HIP1R: variants seen among roughly 807,000 people sequenced by gnomAD.
HIP1R encodes huntingtin-interacting protein 1-related protein.
In HIP1R, 135 loss-of-function variants were observed where a neutral mutation model predicts 144.2. That is an observed-to-expected ratio of 0.94 (90% confidence interval 0.81 to 1.08). The LOEUF is 1.08. Ranked by LOEUF, HIP1R falls within the 50% of genes least tolerant of loss-of-function variation. The pLI is 0.00. For missense variants in HIP1R, 1,462 were observed against 1,432.8 expected (o/e 1.02, Z -0.33); for synonymous variants, 698 against 612.8 (o/e 1.14, Z -2.05).
In HIP1R at chr12:122,861,208, T is replaced by C; in HGVS notation, c.2952+16T>C. On this transcript the variant is annotated intron_variant, in intron 30 of 31. Transcript: ENST00000253083. ...GGAGACCCAGGTAGGCGCCCATGGC[T>C]GCCCCGTGACCTCTGAGCTCATCCC... 6.6e-7 allele frequency: 1 copy of C among 1,507,214 alleles called. No individual in the cohort carries two copies. Among genetic ancestry groups the C allele is most frequent in the South Asian group, 1.1e-5 (1 of 88,360 alleles). The allele number at this position is 1,507,214 out of a possible 1,614,324, so 93.4% of individuals were successfully genotyped here.
chr12:122,859,883 C>G, intron 24 of HIP1R, 53 bp downstream of exon 24: 1 of 1,563,774 alleles, frequency 6.4e-7, no homozygotes, highest in Non-Finnish European at 8.8e-7. Context: ...TCCCCGTGGC[C>G]CCTAAGGTTC....
Position 122,859,178 on chromosome 12 carries a change from G to C in HIP1R, c.2276G>C (p.Gly759Ala). The C allele has an allele frequency of 1.3e-6, 2 of 1,572,768 alleles. No homozygotes were observed. The highest frequency in any genetic ancestry group is 1.7e-6 in the Non-Finnish European group (2 of 1,159,938). ...AGCCTGGTGCGGACACCCCTGCAGGGCATCCTTCAGCTGGGCCAGGTGAGG... is the reference window on the plus strand; with the variant it reads ...AGCCTGGTGCGGACACCCCTGCAGGCCATCCTTCAGCTGGGCCAGGTGAGG... ...QASLVRTPLQ[G>A]ILQLGQELKP... Residue 759 changes from glycine to alanine, a missense_variant, in exon 22 of 32, where the codon GGC becomes GCC. Around this residue, in one of 2 missense-constraint regions of HIP1R, gnomAD observed 1,112 missense variants for 1,011.7 expected, o/e 1.10. Coordinates refer to ENST00000253083, the MANE Select transcript of HIP1R (RefSeq NM_003959.3).
At position 122,861,514 on chromosome 12, in the gene HIP1R, G is replaced by A. The variant is rs778770073; in HGVS notation, c.3159G>A (p.Gln1053=). ...GCGTGGCCCCCAGACAGGACCACCAGGTGCCGTCTGCACTGGGATGGGGGA... is the reference window on the plus strand; with the variant it reads ...GCGTGGCCCCCAGACAGGACCACCAAGTGCCGTCTGCACTGGGATGGGGGA... ...KPSVAPRQDH[Q]LDKKDGIYPA... is the part of the protein sequence containing the mutation. Residue 1053 remains glutamine, a splice_region_variant and synonymous_variant, in exon 31 of 32, where the codon CAG becomes CAA. Coordinates refer to ENST00000253083, the MANE Select transcript of HIP1R (RefSeq NM_003959.3). The A allele has an allele frequency of 1.6e-5, 26 of 1,609,682 alleles. No individual in the cohort carries two copies. The highest frequency in any genetic ancestry group is 2.2e-5 in the Non-Finnish European group (26 of 1,178,252).
At chr12:122,845,966 C>T (rs993460138) in intron 1 of HIP1R, among the ~76,000 whole-genome samples, 7 of 152,244 alleles carry the variant, frequency 4.6e-5, no homozygotes, top group Non-Finnish European at 8.8e-5. Flanking sequence ...TCCTCAGTGT[C>T]AGGAGAAACC....
intron 20 of HIP1R, 82 bp downstream of exon 20, chr12:122,858,517 T>C: frequency 8.5e-7 from 1 of 1,175,178 alleles, no homozygotes; most frequent in Non-Finnish European, 1.2e-6. Context: ...TTTTGGGAGG[T>C]TTACAGACAG....
chr12:122,853,903 CAT>C, intron 7 of HIP1R, 138 bp from the exon 8 acceptor site: 2 of 991,618 alleles, frequency 2.0e-6, no homozygotes, highest in South Asian at 1.7e-5. Context: ...GCCACCAGCA[CAT>C]GAGGCTCCCG....
Position 122,855,299 on chromosome 12 carries a change from C to T in HIP1R, c.887C>T (p.Ala296Val), listed in dbSNP as rs774437296. 1.5e-5 allele frequency: 24 copies of T among 1,612,736 alleles called. No individual in the cohort carries two copies. Among genetic ancestry groups the T allele is most frequent in the Non-Finnish European group, 2.0e-5 (24 of 1,179,890 alleles). ...PPNFLRASAL[A>V]EHIKPVVVIP... ...AACTTCCTGCGGGCCTCAGCCCTGGCTGAGCACATCAAGCCGGTGGTGGTG... is the reference window on the plus strand; with the variant it reads ...AACTTCCTGCGGGCCTCAGCCCTGGTTGAGCACATCAAGCCGGTGGTGGTG... The change falls in exon 11 of 32, where the codon GCT (alanine) becomes GTT (valine). Residue 296 changes from alanine (A) to valine (V), a missense_variant. Transcript: ENST00000253083.
At chr12:122,860,654 G>T in intron 27 of HIP1R, 25 bp from the exon 28 acceptor site, 1 of 1,596,718 alleles carries the variant, frequency 6.3e-7, no homozygotes, top group East Asian at 2.2e-5. Context: ...AGAGACCCTG[G>T]CCCTGACTGG....
rs756487340 is a variant in HIP1R, at chr12:122,854,155, G to C, written c.690G>C (p.Thr230=). 3 of 1,613,566 alleles carry C rather than the reference G, an allele frequency of 1.9e-6. No homozygotes were observed. Among genetic ancestry groups the C allele is most frequent in the South Asian group, 2.2e-5 (2 of 91,068 alleles). Reference sequence around the variant, plus strand: ...ACTGCAGCCACCTCTACCACTACACGGTCAAGCTCCTGTTCAAGCTACACT... The same window carrying C: ...ACTGCAGCCACCTCTACCACTACACCGTCAAGCTCCTGTTCAAGCTACACT... ...IQDCSHLYHY[T]VKLLFKLHSC... The change falls in exon 8 of 32, where the codon ACG becomes ACC. Residue 230 remains threonine, a synonymous_variant. Coordinates refer to ENST00000253083, the MANE Select transcript of HIP1R (RefSeq NM_003959.3).
intron 7 of HIP1R, 139 bp from the exon 8 acceptor site, chr12:122,853,904 A>T (rs961929225): frequency 1.0e-6 from 1 of 996,576 alleles, no homozygotes; most frequent in Non-Finnish European, 1.5e-6. Context: ...CCACCAGCAC[A>T]TGAGGCTCCC....
rs779950603 is a variant in HIP1R at position 122,855,908 on chromosome 12, G to GGGGTGGGGAT, written c.1128+14_1128+23dup. On this transcript the variant is annotated splice_donor_region_variant and intron_variant, in intron 13 of 31. Transcript: ENST00000253083. The stretch of plus-strand genomic sequence containing the variant: ...CTGGAGAAGATCAAGCTGGAGGTGC[G>GGGGTGGGGAT]GGGTGGGGATGGGTGGGGGCCAGGG... The GGGGTGGGGAT allele has an allele frequency of 1.7e-5, 23 of 1,370,834 alleles. No homozygotes were observed. The highest frequency in any genetic ancestry group is 1.8e-5 in the Non-Finnish European group (18 of 995,098). 84.9% of individuals were successfully genotyped at this position (1,370,834 alleles called of 1,614,324 possible). A position where few individuals can be genotyped will look rare whatever the true frequency, so the allele number is the denominator to read the frequency against.
upstream of HIP1R, chr12:122,834,778 T>G: frequency 2.5e-6 from 1 of 400,954 alleles, no homozygotes; most frequent in Non-Finnish European, 4.7e-6. Flanking sequence ...GGTGTCCGGT[T>G]GCGGAGCCGG....
intron 18 of HIP1R, chr12:122,857,476 C>T (rs2033624214): frequency 1.7e-6 from 1 of 572,068 alleles, no homozygotes; most frequent in Non-Finnish European, 3.1e-6. Flanking sequence ...CTGTTCATCA[C>T]TTGGTGGACA....
chr12:122,859,291 G>A (rs2033689954), intron 22 of HIP1R, 94 bp downstream of exon 22: 15 of 1,488,628 alleles, frequency 1.0e-5, no homozygotes, highest in Non-Finnish European at 1.3e-5. Flanking sequence ...TTTGTGCGTG[G>A]AGCCTGCAGC....
In HIP1R at chr12:122,840,803, C is replaced by G. The variant is rs1038250233; in HGVS notation, c.93+5160C>G. Among the ~76,000 whole-genome samples, 1 of 152,192 alleles carries G rather than the reference C, an allele frequency of 6.6e-6. No individual in the cohort carries two copies. Among genetic ancestry groups the G allele is most frequent in the African/African-American group, 2.4e-5 (1 of 41,444 alleles). On this transcript the variant is annotated intron_variant, in intron 1 of 31. Transcript: ENST00000253083. The surrounding 1 kb of genome is among the most constrained non-coding windows in gnomAD (Gnocchi z 4.2). ...CCAGAGGTGCCACATTATGAAGGCTCTCCAGGGTTGGGAGGATATTCTGGG... is the reference window on the plus strand; with the variant it reads ...CCAGAGGTGCCACATTATGAAGGCTGTCCAGGGTTGGGAGGATATTCTGGG...
chr12:122,860,363 A>C (rs937765), intron 26 of HIP1R, 60 bp from the exon 27 acceptor site: 1,501,210 of 1,588,294 alleles, frequency 0.95, 710,225 homozygotes, highest in East Asian at 0.99. Flanking sequence ...CTTGAGGGCC[A>C]CTTTCCACCT....
Position 122,858,198 on chromosome 12 carries a change from G to A in HIP1R, c.1912G>A (p.Ala638Thr). Reference sequence around the variant, plus strand: ...CGAGGCCGCGGGCATCCTGCAGGATGCCGTGAGCAAGCTGGACGACCCCCT... The same window carrying A: ...CGAGGCCGCGGGCATCCTGCAGGATACCGTGAGCAAGCTGGACGACCCCCT... Reference protein sequence around the residue: ...AAEAAGILQDAVSKLDDPLHL... With the variant: ...AAEAAGILQDTVSKLDDPLHL... Residue 638 changes from alanine to threonine, a missense_variant, in exon 19 of 32, where the codon GCC (alanine) becomes ACC (threonine). By Grantham distance (58) the Ala-to-Thr change is moderately conservative (BLOSUM62 0). Coordinates refer to ENST00000253083, the MANE Select transcript of HIP1R (RefSeq NM_003959.3). The A allele has an allele frequency of 6.2e-7, 1 of 1,608,498 alleles. No homozygotes were observed. The highest frequency in any genetic ancestry group is 1.1e-5 in the South Asian group (1 of 90,842).
rs2033785868 is a variant in HIP1R at position 122,862,001 on chromosome 12, G to C, written c.*248G>C. The C allele has an allele frequency of 4.0e-6, 2 of 502,958 alleles. No individual in the cohort carries two copies. The highest frequency in any genetic ancestry group is 3.5e-6 in the Non-Finnish European group (1 of 285,536). 31.2% of individuals were successfully genotyped at this position (502,958 alleles called of 1,614,324 possible). ...TTTGGGGTGCAGCCAGGACCCGGTA[G>C]GCCTGAGCCTCAACTCTTCAGAAAA... On this transcript the variant is annotated 3_prime_UTR_variant, in exon 32 of 32. Coordinates refer to ENST00000253083, the MANE Select transcript of HIP1R (RefSeq NM_003959.3).
chr12:122,835,877 C>G (rs1397135911), intron 1 of HIP1R, among the ~76,000 whole-genome samples: 1 of 150,524 alleles, frequency 6.6e-6, no homozygotes, highest in East Asian at 2.0e-4. Context: ...GCCGCGCTCC[C>G]CGCTCCCGCC....
Sources: allele counts gnomAD v4.1 joint callset (sites outside exome capture counted in the v4.1 genomes callset), GRCh38; gene constraint gnomAD v4.1.1; regional missense constraint gnomAD v4.1.1; non-coding constraint Gnocchi (gnomAD v3.1); transcripts MANE v1.5; gene names NCBI Gene and HGNC (gene_info 2026-07-23, HGNC 2026-07-21).